CARM1: variants seen among roughly 807,000 people sequenced by gnomAD.
The protein encoded by CARM1 is coactivator associated arginine methyltransferase 1.
A neutral mutation model predicts 72.7 loss-of-function variants in CARM1; 14 were observed. That is an observed-to-expected ratio of 0.19 (90% CI 0.13 to 0.30). CARM1 has a LOEUF of 0.30. Among genes scored for constraint, CARM1 ranks in the 10% least tolerant of loss-of-function variants. CARM1 has a pLI of 1.00. For synonymous variants in CARM1, 333 were observed against 345.5 expected, an observed-to-expected ratio of 0.96 and a Z score of 0.40; for missense variants, 432 against 833.7, an observed-to-expected ratio of 0.52 and a Z score of 5.93.
intron 1 of CARM1, among the ~76,000 whole-genome samples, chr19:10,890,382 C>A (rs1315589250): frequency 6.6e-6 from 1 of 150,842 alleles, no homozygotes; most frequent in African/African-American, 2.4e-5. Context: ...ATTCTCCTGT[C>A]TTAGCCTCCC....
At position 10,916,277 on chromosome 19, in the gene CARM1, G is replaced by A. The variant is rs575408520; in HGVS notation, c.848-130G>A. 111 of 646,130 alleles carry A rather than the reference G, an allele frequency of 1.7e-4. No individual in the cohort carries two copies. Among genetic ancestry groups the A allele is most frequent in the Admixed American group, 1.3e-3 (55 of 42,440 alleles). 40.0% of individuals were successfully genotyped at this position (646,130 alleles called of 1,614,324 possible). On this transcript the variant is annotated intron_variant, in intron 6 of 15. Coordinates refer to ENST00000327064, the MANE Select transcript of CARM1 (RefSeq NM_199141.2). The surrounding 1 kb of genome is among the most constrained non-coding windows in gnomAD (Gnocchi z 4.4). ...TAGGCGCTCGGTGCCACTGTCACAG[G>A]AGTGCAGGAACGAATGGATGACAGG...
In CARM1 at chr19:10,889,481, ATT is replaced by A. The variant is rs35291257; in HGVS notation, c.221-15452_221-15451del. Among the ~76,000 whole-genome samples the A allele has an allele frequency of 3.7e-3, 475 of 129,382 alleles. 4 individuals are homozygous for A. In the South Asian group the frequency reaches 0.056, roughly 15 times the overall value. 84.9% of individuals were successfully genotyped at this position (129,382 alleles called of 152,430 possible). A position where few individuals can be genotyped will look rare whatever the true frequency, so the allele number is the denominator to read the frequency against. ...AGGTGTTCACCACCATGCCCGGCTA[ATT>A]TTTTTTTTTTTTTTTTTGTATTTTT... On this transcript the variant is annotated intron_variant, in intron 1 of 15. Transcript: ENST00000327064.
rs1445003230 is a variant in CARM1 at position 10,916,111 on chromosome 19, G to A, written c.848-296G>A. On this transcript the variant is annotated intron_variant, in intron 6 of 15. Transcript: ENST00000327064. The surrounding 1 kb of genome is among the most constrained non-coding windows in gnomAD (Gnocchi z 4.4). ...CATCCCGGGCACTGCCTGCTTCCCCGTGAGTCTTTGGCAGGTCCCTCACAC... is the reference window on the plus strand; with the variant it reads ...CATCCCGGGCACTGCCTGCTTCCCCATGAGTCTTTGGCAGGTCCCTCACAC... Among the ~76,000 whole-genome samples the A allele has an allele frequency of 3.9e-5, 6 of 152,208 alleles. No homozygotes were observed. In the East Asian group the frequency reaches 5.8e-4, roughly 15 times the overall value.
intron 6 of CARM1, among the ~76,000 whole-genome samples, chr19:10,914,268 A>G (rs1186761200): frequency 6.6e-6 from 1 of 151,766 alleles, no homozygotes; most frequent in Non-Finnish European, 1.5e-5. Context: ...CCAGCTGCCC[A>G]CTCGCCCAGA....
intron 1 of CARM1, among the ~76,000 whole-genome samples, chr19:10,886,626 G>A (rs960718847): frequency 1.3e-5 from 2 of 151,936 alleles, no homozygotes; most frequent in Non-Finnish European, 2.9e-5. Flanking sequence ...AGGAGTTCAA[G>A]ACCAGCCTGG....
rs1054821290 is a variant in CARM1 at position 10,915,975 on chromosome 19, G to A, written c.848-432G>A. ...GGCCTCAACTGAGGTCCCCAGCGGCGTTGGGGTAGCCCGGGGCCCACCACC... is the reference window on the plus strand; with the variant it reads ...GGCCTCAACTGAGGTCCCCAGCGGCATTGGGGTAGCCCGGGGCCCACCACC... On this transcript the variant is annotated intron_variant, in intron 6 of 15. Coordinates refer to ENST00000327064, the MANE Select transcript of CARM1 (RefSeq NM_199141.2). The surrounding 1 kb of genome is among the most constrained non-coding windows in gnomAD (Gnocchi z 4.6). Among the ~76,000 whole-genome samples, 3 of 152,184 alleles carry A rather than the reference G, an allele frequency of 2.0e-5. No individual in the cohort carries two copies. Among genetic ancestry groups the A allele is most frequent in the Non-Finnish European group, 4.4e-5 (3 of 68,018 alleles).
rs2073816663 is a variant in CARM1 at position 10,871,631 on chromosome 19, G to GGCGGCGGCGGCA, written c.-64_-63insGGCAGCGGCGGC. 3.6e-5 allele frequency: 5 copies of GGCGGCGGCGGCA among 137,030 alleles called. No homozygotes were observed. Among genetic ancestry groups the GGCGGCGGCGGCA allele is most frequent in the African/African-American group, 3.8e-5 (1 of 26,574 alleles). The allele number at this position is 137,030 out of a possible 1,614,324, so 8.5% of individuals were successfully genotyped here. A position where few individuals can be genotyped will look rare whatever the true frequency, so the allele number is the denominator to read the frequency against. ...CGGCGGCGGCGGCGGCGGCGGCGGCGGCGGCGGCAGCGGCGGCGGCCTGGG... is the reference window on the plus strand; with the variant it reads ...CGGCGGCGGCGGCGGCGGCGGCGGCGGCGGCGGCGGCAGCGGCGGCAGCGGCGGCGGCCTGGG... On this transcript the variant is annotated 5_prime_UTR_variant, in exon 1 of 16. Transcript: ENST00000327064. This position sits in a 1 kb window ranked among gnomAD's most constrained non-coding sequence, Gnocchi z 5.6.
chr19:10,916,510 T>C lies in CARM1; in HGVS notation c.938+13T>C. 1 of 1,595,976 alleles carries C rather than the reference T, an allele frequency of 6.3e-7. No individual in the cohort carries two copies. Among genetic ancestry groups the C allele is most frequent in the Non-Finnish European group, 8.6e-7 (1 of 1,163,850 alleles). On this transcript the variant is annotated intron_variant, in intron 7 of 15. Transcript: ENST00000327064. The surrounding 1 kb of genome is among the most constrained non-coding windows in gnomAD (Gnocchi z 4.4). ...AGGCCAACTTCTGGTGAGTGTGCCC[T>C]GGGTGTCCCGCCTGGGCCCCACAGC...
At position 10,920,632 on chromosome 19, in the gene CARM1, A is replaced by G. The variant is rs1319587059; in HGVS notation, c.1335-27A>G. 1 of 1,614,048 alleles carries G rather than the reference A, an allele frequency of 6.2e-7. No homozygotes were observed. The highest frequency in any genetic ancestry group is 2.2e-5 in the East Asian group (1 of 44,868). On this transcript the variant is annotated intron_variant, in intron 11 of 15. Transcript: ENST00000327064. This position sits in a 1 kb window ranked among gnomAD's most constrained non-coding sequence, Gnocchi z 5.3. The stretch of plus-strand genomic sequence containing the variant: ...CAGGGGTCCATCTGCCCAGCAGCTC[A>G]TGCCACGGCCTGCACCCTGTCCGCA...
At chr19:10,882,274 G>A (rs548130401) in intron 1 of CARM1, among the ~76,000 whole-genome samples, 1 of 152,146 alleles carries the variant, frequency 6.6e-6, no homozygotes, top group Non-Finnish European at 1.5e-5. Flanking sequence ...GGCATGCAGT[G>A]GGGGGGATGG....
intron 1 of CARM1, among the ~76,000 whole-genome samples, chr19:10,900,646 G>A (rs934403416): frequency 3.2e-4 from 48 of 152,106 alleles, no homozygotes; most frequent in Non-Finnish European, 6.0e-4. Context: ...GTGAATGCTT[G>A]CATACGAGTG....
chr19:10,875,790 T>A (rs2073860083), intron 1 of CARM1, among the ~76,000 whole-genome samples: 2 of 151,854 alleles, frequency 1.3e-5, no homozygotes, highest in Non-Finnish European at 2.9e-5. Context: ...TCTAGGATGA[T>A]CTCATCTCAA....
chr19:10,919,768 C>A (rs946082183), intron 9 of CARM1, 88 bp downstream of exon 9: 2 of 1,501,232 alleles, frequency 1.3e-6, no homozygotes, highest in Non-Finnish European at 1.8e-6. Flanking sequence ...CCTGCCGTCC[C>A]AGGGCAGATG....
intron 1 of CARM1, among the ~76,000 whole-genome samples, chr19:10,875,675 T>C (rs1028990037): frequency 3.3e-5 from 5 of 151,980 alleles, no homozygotes; most frequent in South Asian, 4.1e-4. Context: ...CTGCCCACCT[T>C]GGCCTCCCAA....
intron 6 of CARM1, among the ~76,000 whole-genome samples, chr19:10,914,613 T>G (rs1230725931): frequency 6.6e-6 from 1 of 152,152 alleles, no homozygotes; most frequent in African/African-American, 2.4e-5. Flanking sequence ...TGGAGTGCAG[T>G]GGTGCGATCT....
rs995423544 is a variant in CARM1, at chr19:10,913,114, C to CT, written c.670-754dup. ...CAGGGCCGGGGTCACAGTGAACTCT[C>CT]TTTTTTTTTGGGGGGGGTCTCACTC... On this transcript the variant is annotated intron_variant, in intron 5 of 15. Transcript: ENST00000327064. Among the ~76,000 whole-genome samples, 103 of 150,380 alleles carry CT rather than the reference C, an allele frequency of 6.8e-4. 1 individual carries two copies. Among genetic ancestry groups the CT allele is most frequent in the Non-Finnish European group, 5.9e-4 (40 of 67,548 alleles).
chr19:10,884,985 C>T (rs1453372887), intron 1 of CARM1, among the ~76,000 whole-genome samples: 3 of 152,230 alleles, frequency 2.0e-5, no homozygotes, highest in South Asian at 4.1e-4. Context: ...GGATTACAGA[C>T]GTGAGCCATC....
At position 10,871,607 on chromosome 19, in the gene CARM1, G is replaced by T. The variant is rs868171964; in HGVS notation, c.-96G>T. 2 of 118,102 alleles carry T rather than the reference G, an allele frequency of 1.7e-5. No homozygotes were observed. The highest frequency in any genetic ancestry group is 3.5e-5 in the Non-Finnish European group (2 of 56,994). 7.3% of individuals were successfully genotyped at this position (118,102 alleles called of 1,614,324 possible). A position where few individuals can be genotyped will look rare whatever the true frequency, so the allele number is the denominator to read the frequency against. ...TAGCGGCAGCGGCGGCGGCGGCGGC[G>T]GCGGCGGCGGCGGCGGCGGCGGCGG... On this transcript the variant is annotated 5_prime_UTR_variant, in exon 1 of 16. Transcript: ENST00000327064. The surrounding 1 kb of genome is among the most constrained non-coding windows in gnomAD (Gnocchi z 5.6).
chr19:10,889,304 G>A (rs868445817), intron 1 of CARM1, among the ~76,000 whole-genome samples: 4 of 151,202 alleles, frequency 2.6e-5, no homozygotes, highest in East Asian at 1.9e-4. Flanking sequence ...CTGTCACTGC[G>A]CAATTTGAGA....
Sources: allele counts gnomAD v4.1 joint callset (sites outside exome capture counted in the v4.1 genomes callset), GRCh38; gene constraint gnomAD v4.1.1; non-coding constraint Gnocchi (gnomAD v3.1); transcripts MANE v1.5; gene names NCBI Gene and HGNC (gene_info 2026-07-23, HGNC 2026-07-21).